PTK7: variants seen among roughly 807,000 people sequenced by gnomAD.
PTK7 encodes the protein inactive tyrosine-protein kinase 7.
In PTK7, 39 loss-of-function variants were observed where a neutral mutation model predicts 116.6. The observed-to-expected ratio is 0.33, with a 90% CI of 0.26 to 0.44. The LOEUF is 0.44. PTK7 is among the 20% of genes least tolerant of loss of function. The pLI is 1.00. For synonymous variants in PTK7, 546 were observed against 563.6 expected (o/e 0.97, Z 0.44); for missense variants, 1,169 against 1,425.6 (o/e 0.82, Z 2.90).
At position 43,159,923 on chromosome 6, in the gene PTK7, A is replaced by G. The variant is rs1771746415; in HGVS notation, c.3009A>G (p.Gly1003=). 1.9e-6 allele frequency: 3 copies of G among 1,614,028 alleles called. No homozygotes were observed. The highest frequency in any genetic ancestry group is 2.5e-6 in the Non-Finnish European group (3 of 1,180,008). Residue 1003 remains glycine (G), a synonymous_variant, in exon 19 of 20, where the codon GGA becomes GGG. Coordinates refer to ENST00000230419, the MANE Select transcript of PTK7 (RefSeq NM_002821.5). Reference sequence around the variant, plus strand: ...TGATGTGGGAAGTGTTTACACATGGAGAGATGCCCCATGGTGGGCAGGCAG... The same window carrying G: ...TGATGTGGGAAGTGTTTACACATGGGGAGATGCCCCATGGTGGGCAGGCAG... ...GVLMWEVFTH[G]EMPHGGQADD... is the part of the protein sequence containing the mutation.
At chr6:43,146,720 G>A in intron 17 of PTK7, 22 bp downstream of exon 17, 1 of 1,605,210 alleles carries the variant, frequency 6.2e-7, no homozygotes, top group Middle Eastern at 1.7e-4. Context: ...GAGTGAAGGA[G>A]GGAGGGAGAG....
intron 1 of PTK7, among the ~76,000 whole-genome samples, chr6:43,118,632 T>TCA (rs1463679667): frequency 5.4e-5 from 4 of 74,146 alleles, no homozygotes; most frequent in African/African-American, 2.9e-4. Flanking sequence ...TCTCTCTCTC[T>TCA]CTCTCTCTCT....
intron 1 of PTK7, among the ~76,000 whole-genome samples, chr6:43,110,709 C>T (rs370697773): frequency 1.1e-3 from 168 of 152,222 alleles, no homozygotes; most frequent in African/African-American, 3.5e-3. Flanking sequence ...TGTGCCTGGC[C>T]GAATTTTAAC....
intron 1 of PTK7, among the ~76,000 whole-genome samples, chr6:43,116,794 A>G (rs1396172096): frequency 6.6e-6 from 1 of 152,112 alleles, no homozygotes; most frequent in Non-Finnish European, 1.5e-5. Context: ...GAGAGGCTGT[A>G]GACTTCAACT....
intron 1 of PTK7, among the ~76,000 whole-genome samples, chr6:43,077,578 G>T (rs1033318494): frequency 6.6e-6 from 1 of 152,078 alleles, no homozygotes; most frequent in Admixed American, 6.5e-5. Flanking sequence ...AAAGCACCAA[G>T]CCACCCGCAC....
intron 7 of PTK7, among the ~76,000 whole-genome samples, chr6:43,135,918 G>C (rs1770008220): frequency 6.6e-6 from 1 of 152,180 alleles, no homozygotes; most frequent in Non-Finnish European, 1.5e-5. Context: ...GCTGGGTGCA[G>C]TGGCTCACGC....
At chr6:43,101,680 T>C (rs1023724728) in intron 1 of PTK7, among the ~76,000 whole-genome samples, 1 of 152,184 alleles carries the variant, frequency 6.6e-6, no homozygotes, top group Non-Finnish European at 1.5e-5. Context: ...AAGGAACAGA[T>C]GGACAACAGC....
intron 1 of PTK7, chr6:43,077,056 CT>C: frequency 7.7e-7 from 1 of 1,304,186 alleles, no homozygotes. Flanking sequence ...GCTTTGTTAC[CT>C]ACGCCGACCC....
rs374980777 is a variant in PTK7 at position 43,143,658 on chromosome 6, G to A, written c.2251+38G>A. 3.9e-4 allele frequency: 619 copies of A among 1,588,946 alleles called. No individual in the cohort carries two copies. The highest frequency in any genetic ancestry group is 1.7e-3 in the South Asian group (154 of 89,564). On this transcript the variant is annotated intron_variant, in intron 14 of 19. Coordinates refer to ENST00000230419, the MANE Select transcript of PTK7 (RefSeq NM_002821.5). This position sits in a 1 kb window ranked among gnomAD's most constrained non-coding sequence, Gnocchi z 4.2. ...GGACGGGGAGGTGGTGCCCGTGTGC[G>A]GGAGCTGAGCGCCCTCCCGCGGCCA...
chr6:43,130,592 T>A lies in PTK7; in HGVS notation c.743T>A (p.Phe248Tyr). Reference protein sequence around the residue: ...RYEEAMFHCQFSAQPPPSLQW... With the variant: ...RYEEAMFHCQYSAQPPPSLQW... The stretch of plus-strand genomic sequence containing the variant: ...GAGGAGGCCATGTTCCATTGCCAGT[T>A]CTCAGCCCAGCCACCCCCGAGCCTG... The change falls in exon 5 of 20, where the codon TTC becomes TAC. Residue 248 changes from phenylalanine (F) to tyrosine (Y), a missense_variant. Physicochemically the swap from Phe to Tyr is conservative, Grantham distance 22 (BLOSUM62 3). Coordinates refer to ENST00000230419, the MANE Select transcript of PTK7 (RefSeq NM_002821.5). 6.2e-7 allele frequency: 1 copy of A among 1,614,102 alleles called. No individual in the cohort carries two copies. Among genetic ancestry groups the A allele is most frequent in the Non-Finnish European group, 8.5e-7 (1 of 1,180,016 alleles).
intron 1 of PTK7, among the ~76,000 whole-genome samples, chr6:43,095,085 C>T (rs1238180484): frequency 6.7e-6 from 1 of 148,266 alleles, no homozygotes; most frequent in Non-Finnish European, 1.5e-5. Flanking sequence ...AAAGGCCGGG[C>T]GCAGTGGCTC....
rs976581769 is a variant in PTK7, at chr6:43,158,724, A to G, written c.2722-93A>G. The G allele has an allele frequency of 7.3e-6, 10 of 1,371,718 alleles. No individual in the cohort carries two copies. The African/African-American group carries it at 1.3e-4, about 18-fold the overall frequency. 85.0% of individuals were successfully genotyped at this position (1,371,718 alleles called of 1,614,324 possible). ...TTCTGGGCTTCCTACGCAGCACACC[A>G]ATAGTGTTGAAACGCTACCAAGGGT... On this transcript the variant is annotated intron_variant, in intron 17 of 19. Transcript: ENST00000230419.
intron 1 of PTK7, among the ~76,000 whole-genome samples, chr6:43,105,733 G>A (rs942964387): frequency 1.3e-5 from 2 of 152,284 alleles, no homozygotes; most frequent in African/African-American, 4.8e-5. Context: ...TTGGAGTGAT[G>A]TGGCTACAAG....
At chr6:43,097,109 A>G (rs1767307655) in intron 1 of PTK7, among the ~76,000 whole-genome samples, 1 of 152,106 alleles carries the variant, frequency 6.6e-6, no homozygotes, top group Non-Finnish European at 1.5e-5. Context: ...ACACACTTAC[A>G]ATTCATTATT....
chr6:43,084,199 C>T (rs1229122457), intron 1 of PTK7, among the ~76,000 whole-genome samples: 1 of 152,206 alleles, frequency 6.6e-6, no homozygotes, highest in Non-Finnish European at 1.5e-5. Flanking sequence ...GGTGCAATCA[C>T]AGCTCACTGC....
At chr6:43,157,691 G>A (rs949683010) in intron 17 of PTK7, among the ~76,000 whole-genome samples, 2 of 151,666 alleles carry the variant, frequency 1.3e-5, no homozygotes, top group African/African-American at 4.8e-5. Context: ...GACCAGCCTG[G>A]GCAACGTAGC....
intron 1 of PTK7, among the ~76,000 whole-genome samples, chr6:43,123,126 A>T (rs1000139289): frequency 4.6e-5 from 7 of 151,134 alleles, no homozygotes; most frequent in Non-Finnish European, 2.9e-5. Flanking sequence ...CCTGGTCCTG[A>T]GACATCTGAC....
chr6:43,154,134 G>A (rs1771282327), intron 17 of PTK7, among the ~76,000 whole-genome samples: 1 of 152,026 alleles, frequency 6.6e-6, no homozygotes, highest in African/African-American at 2.4e-5. Flanking sequence ...CTGCACTCCA[G>A]CCTGGGTGAC....
In PTK7 at chr6:43,144,529, C is replaced by T. The variant is rs34764696; in HGVS notation, c.2330C>T (p.Ala777Val). The T allele has an allele frequency of 0.064, 103,831 of 1,614,106 alleles. 3,649 individuals carry two copies. The highest frequency in any genetic ancestry group is 0.074 in the Non-Finnish European group (86,934 of 1,179,978). Reference sequence around the variant, plus strand: ...TTGACCAGCTTGGGCTCCGGCCCCGCGGCCACCAACAAACGCCACAGCACA... The same window carrying T: ...TTGACCAGCTTGGGCTCCGGCCCCGTGGCCACCAACAAACGCCACAGCACA... ...VALTSLGSGP[A>V]ATNKRHSTSD... Residue 777 changes from alanine to valine, a missense_variant, in exon 15 of 20, where the codon GCG becomes GTG. This residue lies in a region of PTK7 where 678 missense variants were observed against 853.8 expected (regional missense o/e 0.79). Transcript: ENST00000230419.
Sources: gnomAD v4.1 joint callset for allele counts (sites outside exome capture counted in the v4.1 genomes callset) on GRCh38, gnomAD v4.1.1 for gene constraint, gnomAD v4.1.1 regional missense constraint, Gnocchi (gnomAD v3.1) non-coding constraint, MANE v1.5 for transcripts, NCBI Gene and HGNC (gene_info 2026-07-23, HGNC 2026-07-21) for gene names.